The following MYO5B variants were observed in gnomAD, a reference collection of about 807,000 sequenced individuals.
The protein encoded by MYO5B is unconventional myosin-Vb.
In MYO5B, 143 loss-of-function variants were observed where a neutral mutation model predicts 229.3. The ratio of observed to expected loss-of-function variants is 0.62; its 90% CI spans 0.54 to 0.72. The LOEUF is 0.72. MYO5B is among the 30% of genes least tolerant of loss of function. MYO5B has a pLI of 0.00. For missense variants in MYO5B, 2,321 were observed against 2,331.0 expected, an observed-to-expected ratio of 1.00 and a Z score of 0.09; for synonymous variants, 918 against 885.2, an observed-to-expected ratio of 1.04 and a Z score of -0.66.
intron 22 of MYO5B, among the ~76,000 whole-genome samples, chr18:49,887,847 AT>A (rs34414045): frequency 0.58 from 87,867 of 150,648 alleles, 25,706 homozygotes; most frequent in Middle Eastern, 0.66. Flanking sequence ...AGCCCGGCTA[AT>A]TTTTTTTTTG....
intron 17 of MYO5B, among the ~76,000 whole-genome samples, chr18:49,921,423 C>T (rs908574031): frequency 1.3e-5 from 2 of 152,118 alleles, no homozygotes; most frequent in African/African-American, 4.8e-5. Context: ...GACCTAGGAG[C>T]TGGGTGACGG....
intron 7 of MYO5B, among the ~76,000 whole-genome samples, chr18:49,986,384 TAG>T (rs1162468200): frequency 2.0e-5 from 3 of 152,186 alleles, no homozygotes; most frequent in African/African-American, 7.2e-5. Flanking sequence ...AACTCAGCCC[TAG>T]ACCCCAGTCT....
chr18:49,993,530 G>A (rs557191631), intron 5 of MYO5B, among the ~76,000 whole-genome samples: 42 of 152,206 alleles, frequency 2.8e-4, no homozygotes, highest in African/African-American at 9.2e-4. Flanking sequence ...ACAGGGAGGC[G>A]CTGAGTTATA....
chr18:49,995,441 T>TG (rs2025977665), intron 5 of MYO5B, among the ~76,000 whole-genome samples: 2 of 150,746 alleles, frequency 1.3e-5, no homozygotes, highest in African/African-American at 4.9e-5. Flanking sequence ...TATTTTTTTT[T>TG]GTAGAGACAG....
chr18:50,140,493 T>C (rs536736114), intron 1 of MYO5B, among the ~76,000 whole-genome samples: 30 of 152,324 alleles, frequency 2.0e-4, no homozygotes, highest in African/African-American at 6.5e-4. Flanking sequence ...GGTCCTGAAG[T>C]TGGAAGAATG....
Position 49,849,554 on chromosome 18 carries a change from C to G in MYO5B, c.4315+13G>C, listed in dbSNP as rs777941900. The G allele has an allele frequency of 8.2e-6, 13 of 1,591,752 alleles. 1 individual carries two copies. In the South Asian group the frequency reaches 1.4e-4, roughly 18 times the overall value. On this transcript the variant is annotated intron_variant, in intron 32 of 39. Coordinates refer to ENST00000285039, the MANE Select transcript of MYO5B (RefSeq NM_001080467.3). ...CTGTGATTCACAAAACACACTCACT[C>G]ACACCCCCCTACCTTCTAGGTCCTG...
chr18:49,857,215 G>C (rs2024273272), intron 29 of MYO5B, among the ~76,000 whole-genome samples: 1 of 152,206 alleles, frequency 6.6e-6, no homozygotes, highest in African/African-American at 2.4e-5. Flanking sequence ...TGGCAGCAAG[G>C]CAGCAGTGTG....
At chr18:49,861,530 CA>C (rs1294010818) in intron 29 of MYO5B, among the ~76,000 whole-genome samples, 6 of 152,206 alleles carry the variant, frequency 3.9e-5, no homozygotes, top group African/African-American at 1.4e-4. Flanking sequence ...CCAGTTTTAG[CA>C]CTGAGAGAGT....
At chr18:50,018,955 G>T (rs1286215538) in intron 4 of MYO5B, among the ~76,000 whole-genome samples, 3 of 152,180 alleles carry the variant, frequency 2.0e-5, no homozygotes, top group African/African-American at 7.2e-5. Flanking sequence ...TACCAGCTGG[G>T]ATGAAGATCT....
chr18:49,860,174 G>T (rs515811), intron 29 of MYO5B, among the ~76,000 whole-genome samples: 63,767 of 151,834 alleles, frequency 0.42, 13,986 homozygotes, highest in Middle Eastern at 0.55. Context: ...GGGTAGAAGT[G>T]GACAGGAATC....
intron 5 of MYO5B, 38 bp downstream of exon 5, chr18:50,001,217 C>G: frequency 6.2e-7 from 1 of 1,613,854 alleles, no homozygotes; most frequent in Admixed American, 1.7e-5. Context: ...GTGGGAGGAG[C>G]TCCAGCCAGG....
intron 1 of MYO5B, among the ~76,000 whole-genome samples, chr18:50,178,407 C>T (rs888291447): frequency 3.3e-5 from 5 of 152,240 alleles, no homozygotes; most frequent in South Asian, 2.1e-4. Flanking sequence ...TGAATAACTA[C>T]GTAAAAAAAT....
intron 9 of MYO5B, among the ~76,000 whole-genome samples, chr18:49,978,241 T>C (rs1337627062): frequency 1.3e-5 from 2 of 152,022 alleles, no homozygotes; most frequent in Admixed American, 6.5e-5. Context: ...TCATACTATC[T>C]CCACACAAAC....
chr18:49,840,174 C>G (rs2144036246), intron 35 of MYO5B: 1 of 152,358 alleles, frequency 6.6e-6, no homozygotes, highest in South Asian at 2.1e-4. Context: ...AGGTCCTGCC[C>G]TAGCCTTATA....
intron 10 of MYO5B, among the ~76,000 whole-genome samples, chr18:49,964,653 C>G (rs1437604453): frequency 6.6e-6 from 1 of 152,178 alleles, no homozygotes; most frequent in African/African-American, 2.4e-5. Flanking sequence ...TTTAACTTAT[C>G]ATTACTACAG....
At chr18:49,933,969 G>A (rs1231483576) in intron 16 of MYO5B, among the ~76,000 whole-genome samples, 2 of 152,090 alleles carry the variant, frequency 1.3e-5, no homozygotes, top group African/African-American at 4.8e-5. Flanking sequence ...TCAAACTCCT[G>A]GGCTCAAGCA....
intron 1 of MYO5B, among the ~76,000 whole-genome samples, chr18:50,147,443 C>T (rs1191174665): frequency 6.6e-6 from 1 of 152,186 alleles, no homozygotes; most frequent in Non-Finnish European, 1.5e-5. Flanking sequence ...TGCCTCCAGT[C>T]CAGCCGCCAC....
chr18:50,010,445 C>T (rs1443375512), intron 4 of MYO5B, among the ~76,000 whole-genome samples: 57 of 152,194 alleles, frequency 3.7e-4, no homozygotes, highest in Admixed American at 3.7e-3. Context: ...GGTTAGGGCA[C>T]TCCTCGGTGT....
intron 22 of MYO5B, among the ~76,000 whole-genome samples, chr18:49,890,671 G>T (rs1362940830): frequency 2.0e-5 from 3 of 152,168 alleles, no homozygotes; most frequent in African/African-American, 7.2e-5. Context: ...TAGCAAACAT[G>T]GGAAAACTGG....
Sources: allele counts gnomAD v4.1 joint callset (sites outside exome capture counted in the v4.1 genomes callset), GRCh38; gene constraint gnomAD v4.1.1; transcripts MANE v1.5; gene names NCBI Gene and HGNC (gene_info 2026-07-23, HGNC 2026-07-21).